The following SLC30A9 variants were observed in gnomAD, a reference collection of about 807,000 sequenced individuals.
The protein encoded by SLC30A9 is solute carrier family 30 member 9, also known as proton-coupled zinc antiporter SLC30A9, mitochondrial.
A neutral mutation model predicts 87.5 loss-of-function variants in SLC30A9; 58 were observed. The ratio of observed to expected loss-of-function variants is 0.66; its 90% CI spans 0.54 to 0.82. SLC30A9 has a LOEUF of 0.82. SLC30A9 is among the 40% of genes least tolerant of loss of function. SLC30A9 has a pLI of 0.00. For missense variants in SLC30A9, 557 were observed against 679.1 expected (o/e 0.82, Z 2.00); for synonymous variants, 234 against 233.0 (o/e 1.00, Z -0.04).
At chr4:41,991,997 T>C (rs13142165) in intron 1 of SLC30A9, among the ~76,000 whole-genome samples, 2,476 of 151,980 alleles carry the variant, frequency 0.016, 37 homozygotes, top group South Asian at 0.032. Flanking sequence ...AACTGTTGAG[T>C]TTTTCCATAT....
intron 8 of SLC30A9, among the ~76,000 whole-genome samples, chr4:42,049,056 G>A (rs964997267): frequency 5.3e-5 from 8 of 152,042 alleles, no homozygotes; most frequent in African/African-American, 1.9e-4. Context: ...TCAAACTCCT[G>A]GGCTCAGATG....
At chr4:42,083,649 TGCTTTTTA>T (rs1400870026) in intron 17 of SLC30A9, among the ~76,000 whole-genome samples, 30 of 137,362 alleles carry the variant, frequency 2.2e-4, no homozygotes, top group African/African-American at 7.1e-4. Flanking sequence ...ATTTATATCA[TGCTTTTTA>T]GACAGAATAA....
intron 2 of SLC30A9, among the ~76,000 whole-genome samples, chr4:42,007,890 T>G (rs1560536479): frequency 6.6e-6 from 1 of 152,190 alleles, no homozygotes; most frequent in Non-Finnish European, 1.5e-5. Flanking sequence ...TGTAGTTCAT[T>G]TTTCACGTAA....
intron 8 of SLC30A9, among the ~76,000 whole-genome samples, chr4:42,047,613 A>G (rs574928633): frequency 6.6e-6 from 1 of 152,326 alleles, no homozygotes; most frequent in South Asian, 2.1e-4. Context: ...AAATAGGAAC[A>G]CTTTTACACT....
At chr4:42,041,983 G>A (rs1288723183) in intron 8 of SLC30A9, among the ~76,000 whole-genome samples, 6 of 152,148 alleles carry the variant, frequency 3.9e-5, no homozygotes, top group Non-Finnish European at 8.8e-5. Context: ...CCTAGCCAAG[G>A]GAAGCCATGA....
chr4:41,993,664 C>T (rs1056211786), intron 1 of SLC30A9, among the ~76,000 whole-genome samples: 1 of 152,040 alleles, frequency 6.6e-6, no homozygotes, highest in African/African-American at 2.4e-5. Flanking sequence ...AAAACATAAA[C>T]GGTTTATGCC....
chr4:42,060,097 G>T, intron 9 of SLC30A9, 94 bp from the exon 10 acceptor site: 1 of 914,520 alleles, frequency 1.1e-6, no homozygotes. Context: ...GTGTTTCTTT[G>T]TCATTGTTAG....
At chr4:42,059,335 C>G (rs1488346315) in intron 9 of SLC30A9, among the ~76,000 whole-genome samples, 1 of 152,042 alleles carries the variant, frequency 6.6e-6, no homozygotes. Context: ...AGATTCACAT[C>G]AAATTAGGAT....
At chr4:42,073,483 T>C (rs571878673) in intron 15 of SLC30A9, among the ~76,000 whole-genome samples, 5 of 152,302 alleles carry the variant, frequency 3.3e-5, no homozygotes, top group African/African-American at 1.2e-4. Flanking sequence ...GTGTGACAAA[T>C]TGGCCCAAAA....
rs181918545 is a variant in SLC30A9 at position 42,048,544 on chromosome 4, A to G, written c.738-833A>G. 2.0e-3 allele frequency among the ~76,000 whole-genome samples: 310 copies of G among 152,204 alleles called. 2 individuals carry two copies. The highest frequency in any genetic ancestry group is 3.4e-3 in the Non-Finnish European group (232 of 68,024). The stretch of plus-strand genomic sequence containing the variant: ...TAGCATAACGTCTGAGATAAATCAT[A>G]TTAGTCATTACTGTTAGTATCTGAG... On this transcript the variant is annotated intron_variant, in intron 8 of 17. Transcript: ENST00000264451.
At chr4:42,041,677 A>G (rs1716928393) in intron 8 of SLC30A9, among the ~76,000 whole-genome samples, 1 of 152,204 alleles carries the variant, frequency 6.6e-6, no homozygotes, top group South Asian at 2.1e-4. Flanking sequence ...TTAAGGCTAC[A>G]GTAAGCTGTG....
In SLC30A9 at chr4:42,000,790, A is replaced by C. The variant is rs1227605311; in HGVS notation, c.110-826A>C. Among the ~76,000 whole-genome samples, 6 of 152,080 alleles carry C rather than the reference A, an allele frequency of 3.9e-5. No homozygotes were observed. The East Asian group carries it at 1.2e-3, about 29-fold the overall frequency. ...CAAAAGTTTCAACTCTTAAATGCTT[A>C]ACCCTCCATCCTTGGAAAAACTTGA... is the stretch of plus-strand genomic sequence containing the variant. On this transcript the variant is annotated intron_variant, in intron 1 of 17. Transcript: ENST00000264451.
intron 12 of SLC30A9, among the ~76,000 whole-genome samples, chr4:42,065,681 C>T (rs1031190846): frequency 2.6e-5 from 4 of 152,158 alleles, no homozygotes; most frequent in African/African-American, 9.7e-5. Flanking sequence ...GGCATGAAAG[C>T]GCTTAGCAAG....
rs1387813045 is a variant in SLC30A9, at chr4:42,088,159, G to GTAAAA, written c.*2037_*2041dup. Reference sequence around the variant, plus strand: ...ATAAACTTACATAAAGTTTGTTTATGTAAAATAAGACATAAAGGAGTACAA... The same window carrying GTAAAA: ...ATAAACTTACATAAAGTTTGTTTATGTAAAATAAAATAAGACATAAAGGAGTACAA... On this transcript the variant is annotated 3_prime_UTR_variant, in exon 18 of 18. Transcript: ENST00000264451. 2.6e-5 allele frequency: 4 copies of GTAAAA among 152,108 alleles called. No homozygotes were observed. Among genetic ancestry groups the GTAAAA allele is most frequent in the African/African-American group, 9.7e-5 (4 of 41,408 alleles). 9.4% of individuals were successfully genotyped at this position (152,108 alleles called of 1,614,324 possible).
intron 10 of SLC30A9, among the ~76,000 whole-genome samples, chr4:42,061,599 T>G (rs779149745): frequency 6.6e-6 from 1 of 152,234 alleles, no homozygotes; most frequent in African/African-American, 2.4e-5. Context: ...GCAGCTTGAT[T>G]AAGAATTCTT....
At chr4:42,076,403 T>C (rs532360346) in intron 16 of SLC30A9, among the ~76,000 whole-genome samples, 3 of 152,326 alleles carry the variant, frequency 2.0e-5, no homozygotes, top group Admixed American at 2.0e-4. Context: ...CTGAATTTGG[T>C]ACCTGTCTTT....
chr4:41,993,336 C>G (rs1376209897), intron 1 of SLC30A9, among the ~76,000 whole-genome samples: 2 of 152,080 alleles, frequency 1.3e-5, no homozygotes, highest in African/African-American at 4.8e-5. Flanking sequence ...CATCACAGTT[C>G]AGACTAACCA....
chr4:42,002,906 C>A (rs547061041), intron 2 of SLC30A9, among the ~76,000 whole-genome samples: 35 of 152,264 alleles, frequency 2.3e-4, no homozygotes, highest in African/African-American at 7.7e-4. Flanking sequence ...TCTGCAGTCT[C>A]ACTAGCATCT....
At chr4:42,042,249 C>T (rs1438015838) in intron 8 of SLC30A9, among the ~76,000 whole-genome samples, 1 of 152,156 alleles carries the variant, frequency 6.6e-6, no homozygotes, top group African/African-American at 2.4e-5. Context: ...AACCAGGGAG[C>T]TAAGTGGTCT....
Sources: gnomAD v4.1 joint callset for allele counts (sites outside exome capture counted in the v4.1 genomes callset) on GRCh38, gnomAD v4.1.1 for gene constraint, MANE v1.5 for transcripts, NCBI Gene and HGNC (gene_info 2026-07-23, HGNC 2026-07-21) for gene names.